The following ZC3H14 variants were observed in gnomAD, a reference collection of about 807,000 sequenced individuals.
ZC3H14 encodes the protein zinc finger CCCH-type containing 14.
In ZC3H14, 31 loss-of-function variants were observed where a neutral mutation model predicts 92.4. The observed-to-expected ratio is 0.34, with a 90% confidence interval of 0.25 to 0.45. ZC3H14 has a LOEUF of 0.45. Among genes scored for constraint, ZC3H14 ranks in the 20% least tolerant of loss-of-function variants. ZC3H14 has a pLI of 1.00. For missense variants in ZC3H14, 781 were observed against 897.3 expected, an observed-to-expected ratio of 0.87 and a Z score of 1.66; for synonymous variants, 321 against 300.9, an observed-to-expected ratio of 1.07 and a Z score of -0.69.
At chr14:88,571,036 ATCTT>A (rs758676047) in intron 3 of ZC3H14, 44 bp from the exon 4 acceptor site, 71 of 1,438,048 alleles carry the variant, frequency 4.9e-5, no homozygotes, top group Non-Finnish European at 6.1e-5. Context: ...TTGAAATGAA[ATCTT>A]TCTTAACAGA....
chr14:88,621,654 G>GT lies in ZC3H14; in HGVS notation c.*9905dup. On this transcript the variant is annotated 3_prime_UTR_variant, in exon 17 of 17. Coordinates refer to ENST00000251038, the MANE Select transcript of ZC3H14 (RefSeq NM_024824.5). ...AAAAAATAATAGAATTTATTTTTTA[G>GT]TTAAAAAGTAAAAGCTTAACTACAA... 1 of 293,926 alleles carries GT rather than the reference G, an allele frequency of 3.4e-6. No homozygotes were observed. The highest frequency in any genetic ancestry group is 3.9e-5 in the South Asian group (1 of 25,640). The allele number at this position is 293,926 out of a possible 1,614,324, so 18.2% of individuals were successfully genotyped here.
chr14:88,588,204 A>T (rs2082686353), intron 9 of ZC3H14, among the ~76,000 whole-genome samples: 1 of 151,732 alleles, frequency 6.6e-6, no homozygotes, highest in Non-Finnish European at 1.5e-5. Flanking sequence ...TTCTGACCTC[A>T]CTGCTTGCTC....
chr14:88,575,844 T>C lies in ZC3H14; in HGVS notation c.1027T>C (p.Ser343Pro), dbSNP rs369661572. The C allele has an allele frequency of 8.1e-6, 13 of 1,612,886 alleles. No individual in the cohort carries two copies. The highest frequency in any genetic ancestry group is 1.3e-5 in the African/African-American group (1 of 74,884). The stretch of plus-strand genomic sequence containing the variant: ...TACCTTTCTTAACTCTTTTAGACCT[T>C]CTCTTCCACCTTCTAAACAAGCTAA... Reference protein sequence around the residue: ...SVPAKPERRPSLPPSKQANKN... With the variant: ...SVPAKPERRPPLPPSKQANKN... Residue 343 changes from serine to proline, a missense_variant, in exon 8 of 17, where the codon TCT becomes CCT. Ser to Pro is a moderately conservative substitution (Grantham distance 74, BLOSUM62 -1). Transcript: ENST00000251038.
Position 88,622,903 on chromosome 14 carries a change from TAAAC to T in ZC3H14, c.*11154_*11157del, listed in dbSNP as rs2089273873. 2.3e-6 allele frequency: 1 copy of T among 428,642 alleles called. No homozygotes were observed. The highest frequency in any genetic ancestry group is 7.3e-5 in the South Asian group (1 of 13,632). The allele number at this position is 428,642 out of a possible 1,614,324, so 26.6% of individuals were successfully genotyped here. A position where few individuals can be genotyped will look rare whatever the true frequency, so the allele number is the denominator to read the frequency against. On this transcript the variant is annotated 3_prime_UTR_variant, in exon 17 of 17. Coordinates refer to ENST00000251038, the MANE Select transcript of ZC3H14 (RefSeq NM_024824.5). ...AGGATATACTATATCTCAGTCAAAA[TAAAC>T]ATCCAGTTTCAGTGAATTTTATTTT...
At position 88,615,959 on chromosome 14, in the gene ZC3H14, T is replaced by C; in HGVS notation, c.*4208T>C. The C allele has an allele frequency of 6.5e-6, 9 of 1,385,252 alleles. No individual in the cohort carries two copies. Among genetic ancestry groups the C allele is most frequent in the Non-Finnish European group, 8.9e-6 (9 of 1,008,558 alleles). 85.8% of individuals were successfully genotyped at this position (1,385,252 alleles called of 1,614,324 possible). A position where few individuals can be genotyped will look rare whatever the true frequency, so the allele number is the denominator to read the frequency against. On this transcript the variant is annotated 3_prime_UTR_variant, in exon 17 of 17. Transcript: ENST00000251038. Reference sequence around the variant, plus strand: ...TTTCAGGTTACATGTGTAATATTTTTCCTCTTTAACTCCTTTTATTCTGTA... The same window carrying C: ...TTTCAGGTTACATGTGTAATATTTTCCCTCTTTAACTCCTTTTATTCTGTA...
In ZC3H14 at chr14:88,572,729, T is replaced by C. The variant is rs749689660; in HGVS notation, c.583T>C (p.Ser195Pro). 2 of 1,614,198 alleles carry C rather than the reference T, an allele frequency of 1.2e-6. No individual in the cohort carries two copies. Residue 195 changes from serine to proline, a missense_variant, in exon 6 of 17, where the codon TCT (serine) becomes CCT (proline). Physicochemically the swap from Ser to Pro is moderately conservative, Grantham distance 74. Coordinates refer to ENST00000251038, the MANE Select transcript of ZC3H14 (RefSeq NM_024824.5). ...DLNFVQENPLSQKKPTVTLTY... is the reference protein window; with the variant it reads ...DLNFVQENPLPQKKPTVTLTY... The stretch of plus-strand genomic sequence containing the variant: ...CAACTTTGTGCAGGAGAATCCCTTA[T>C]CTCAGAAAAAACCTACAGTGACACT...
At chr14:88,571,023 C>T in intron 3 of ZC3H14, 61 bp from the exon 4 acceptor site, 4 of 1,304,614 alleles carry the variant, frequency 3.1e-6, no homozygotes, top group South Asian at 3.6e-5. Context: ...TTTAGAGTGA[C>T]AGTTGAAATG....
chr14:88,603,845 A>G (rs1419628560), intron 12 of ZC3H14, among the ~76,000 whole-genome samples: 1 of 152,230 alleles, frequency 6.6e-6, no homozygotes, highest in African/African-American at 2.4e-5. Context: ...ATGAAAATGT[A>G]TTGAATACCT....
At chr14:88,591,085 A>T (rs2083066502) in intron 9 of ZC3H14, 3 of 152,174 alleles carry the variant, frequency 2.0e-5, no homozygotes, top group Admixed American at 2.0e-4. Context: ...AAGTATGTAT[A>T]CCAATATATG....
chr14:88,563,405 G>A, intron 1 of ZC3H14: 2 of 1,431,262 alleles, frequency 1.4e-6, no homozygotes, highest in South Asian at 1.5e-5. Flanking sequence ...CGCAGGCCCG[G>A]CTGGAGCCAC....
At chr14:88,570,271 C>T (rs899617468) in intron 3 of ZC3H14, among the ~76,000 whole-genome samples, 4 of 152,128 alleles carry the variant, frequency 2.6e-5, no homozygotes, top group Admixed American at 6.5e-5. Context: ...TAATTGTGTC[C>T]GTGGGGACAG....
chr14:88,615,176 C>G lies in ZC3H14; in HGVS notation c.*3425C>G, dbSNP rs1200612899. On this transcript the variant is annotated 3_prime_UTR_variant, in exon 17 of 17. Transcript: ENST00000251038. Reference sequence around the variant, plus strand: ...AAAATGAAAATGGAAATGTAGCAGCCATATACTGCTAACTTTGGATCTGTT... The same window carrying G: ...AAAATGAAAATGGAAATGTAGCAGCGATATACTGCTAACTTTGGATCTGTT... 6.6e-6 allele frequency: 1 copy of G among 152,130 alleles called. No homozygotes were observed. The highest frequency in any genetic ancestry group is 2.4e-5 in the African/African-American group (1 of 41,424). The allele number at this position is 152,130 out of a possible 1,614,324, so 9.4% of individuals were successfully genotyped here.
In ZC3H14 at chr14:88,610,949, T is replaced by C; in HGVS notation, c.2204+9T>C. On this transcript the variant is annotated intron_variant, in intron 16 of 16. Transcript: ENST00000251038. The stretch of plus-strand genomic sequence containing the variant: ...ATTCGACCTCAAACCAGGTAAACAT[T>C]CAAATTCGTTTTTCTCATGTCAGTT... 6.4e-7 allele frequency: 1 copy of C among 1,571,182 alleles called. No homozygotes were observed. The highest frequency in any genetic ancestry group is 8.7e-7 in the Non-Finnish European group (1 of 1,144,676).
chr14:88,565,596 T>C (rs1313731740), intron 2 of ZC3H14, among the ~76,000 whole-genome samples: 3 of 152,324 alleles, frequency 2.0e-5, no homozygotes, highest in Non-Finnish European at 4.4e-5. Context: ...TTATTTAAAC[T>C]CTGGGGTGGG....
chr14:88,595,694 G>A (rs1485314646), intron 9 of ZC3H14, among the ~76,000 whole-genome samples: 1 of 152,202 alleles, frequency 6.6e-6, no homozygotes, highest in Non-Finnish European at 1.5e-5. Flanking sequence ...TTCAAATCGA[G>A]TATAGGTTTT....
chr14:88,616,250 A>G lies in ZC3H14; in HGVS notation c.*4499A>G. ...GAACCTTTTGTGTTTTGCCTAAAAA[A>G]CAATGACAGACAAGCTCAGGGCATT... On this transcript the variant is annotated 3_prime_UTR_variant, in exon 17 of 17. Coordinates refer to ENST00000251038, the MANE Select transcript of ZC3H14 (RefSeq NM_024824.5). 1 of 1,613,312 alleles carries G rather than the reference A, an allele frequency of 6.2e-7. No homozygotes were observed. The highest frequency in any genetic ancestry group is 8.5e-7 in the Non-Finnish European group (1 of 1,179,284).
In ZC3H14 at chr14:88,614,061, TAC is replaced by T. The variant is rs1334046290; in HGVS notation, c.*2312_*2313del. ...TCTATGTAGTTTACATGCTTAAGGT[TAC>T]AGAGTTTCTACCTGCACTGTAATGG... On this transcript the variant is annotated 3_prime_UTR_variant, in exon 17 of 17. Transcript: ENST00000251038. The T allele has an allele frequency of 6.6e-6, 1 of 152,226 alleles. No individual in the cohort carries two copies. The highest frequency in any genetic ancestry group is 1.5e-5 in the Non-Finnish European group (1 of 68,042). 9.4% of individuals were successfully genotyped at this position (152,226 alleles called of 1,614,324 possible).
chr14:88,585,358 G>GT (rs1335662623), intron 9 of ZC3H14, among the ~76,000 whole-genome samples: 1 of 144,804 alleles, frequency 6.9e-6, no homozygotes, highest in Non-Finnish European at 1.5e-5. Flanking sequence ...CTAGTTTACT[G>GT]TTTAAACCTT....
At position 88,618,216 on chromosome 14, in the gene ZC3H14, A is replaced by AT. The variant is rs764766269; in HGVS notation, c.*6466dup. ...AAGTCAGTTCTTGCCTTGTGAATAT[A>AT]TAAGTATTTACCTAGTCCATGTAGC... On this transcript the variant is annotated 3_prime_UTR_variant, in exon 17 of 17. Transcript: ENST00000251038. 1 of 1,611,010 alleles carries AT rather than the reference A, an allele frequency of 6.2e-7. No homozygotes were observed. Among genetic ancestry groups the AT allele is most frequent in the Admixed American group, 1.7e-5 (1 of 60,002 alleles).
Sources: gnomAD v4.1 joint callset for allele counts (sites outside exome capture counted in the v4.1 genomes callset) on GRCh38, gnomAD v4.1.1 for gene constraint, MANE v1.5 for transcripts, NCBI Gene and HGNC (gene_info 2026-07-23, HGNC 2026-07-21) for gene names.